MYO10: variants seen among roughly 807,000 people sequenced by gnomAD.
The protein encoded by MYO10 is myosin X.
MYO10 carries 133 observed loss-of-function variants against 257.3 expected under a neutral mutation model. That is an observed-to-expected ratio of 0.52 (90% confidence interval 0.45 to 0.60). MYO10 has a LOEUF of 0.60. Among genes scored for constraint, MYO10 ranks in the 20% least tolerant of loss-of-function variants. MYO10 has a pLI of 0.00. For synonymous variants in MYO10, 1,104 were observed against 1,028.6 expected, an observed-to-expected ratio of 1.07 and a Z score of -1.40; for missense variants, 2,399 against 2,635.7, an observed-to-expected ratio of 0.91 and a Z score of 1.97.
At chr5:16,734,041 G>A (rs1400134470) in intron 19 of MYO10, among the ~76,000 whole-genome samples, 1 of 151,794 alleles carries the variant, frequency 6.6e-6, no homozygotes, top group Non-Finnish European at 1.5e-5. Flanking sequence ...CTGAGAATTC[G>A]TATGAAAGAG....
At chr5:16,872,311 G>GA in intron 2 of MYO10, among the ~76,000 whole-genome samples, 1 of 152,188 alleles carries the variant, frequency 6.6e-6, no homozygotes, top group Non-Finnish European at 1.5e-5. Flanking sequence ...TATACTGTAT[G>GA]AGTCCACTCA....
chr5:16,865,474 C>T (rs1308250861), intron 2 of MYO10, among the ~76,000 whole-genome samples: 1 of 152,074 alleles, frequency 6.6e-6, no homozygotes, highest in Non-Finnish European at 1.5e-5. Flanking sequence ...ACCATACTTT[C>T]GAATGTGCTA....
chr5:16,728,162 C>T (rs1388504675), intron 19 of MYO10, among the ~76,000 whole-genome samples: 1 of 152,196 alleles, frequency 6.6e-6, no homozygotes, highest in Non-Finnish European at 1.5e-5. Flanking sequence ...TCCTGGCTTC[C>T]TGCCTTTCAC....
chr5:16,664,571 T>C lies in MYO10; in HGVS notation c.*2121A>G, dbSNP rs1736084270. On this transcript the variant is annotated 3_prime_UTR_variant, in exon 41 of 41. Transcript: ENST00000513610. ...ATGAGCAGAGGGTGGGAGTCAGTGGTCTGCAAGAGAAGTGGCGCTTGCTCA... is the reference window on the plus strand; with the variant it reads ...ATGAGCAGAGGGTGGGAGTCAGTGGCCTGCAAGAGAAGTGGCGCTTGCTCA... 1 of 152,166 alleles carries C rather than the reference T, an allele frequency of 6.6e-6. No individual in the cohort carries two copies. Among genetic ancestry groups the C allele is most frequent in the Non-Finnish European group, 1.5e-5 (1 of 68,044 alleles). The allele number at this position is 152,166 out of a possible 1,614,324, so 9.4% of individuals were successfully genotyped here.
chr5:16,919,981 C>A (rs1280418317), intron 1 of MYO10, among the ~76,000 whole-genome samples: 1 of 152,164 alleles, frequency 6.6e-6, no homozygotes, highest in East Asian at 1.9e-4. Context: ...CATGGTGACA[C>A]ATGCCTGTAG....
chr5:16,761,061 G>A (rs1740698260), intron 17 of MYO10, among the ~76,000 whole-genome samples: 1 of 151,778 alleles, frequency 6.6e-6, no homozygotes, highest in Non-Finnish European at 1.5e-5. Context: ...CGCAATCTTG[G>A]GTCACTGCAA....
intron 10 of MYO10, among the ~76,000 whole-genome samples, chr5:16,766,613 G>A (rs1740877294): frequency 6.6e-6 from 1 of 151,956 alleles, no homozygotes; most frequent in African/African-American, 2.4e-5. Context: ...TGCATATTTA[G>A]TAGAGATGGG....
intron 40 of MYO10, among the ~76,000 whole-genome samples, chr5:16,667,545 C>T (rs1251193268): frequency 6.6e-6 from 1 of 152,174 alleles, no homozygotes; most frequent in Non-Finnish European, 1.5e-5. Flanking sequence ...CCAAATCCTG[C>T]AGCCTGGCAC....
chr5:16,696,909 A>T (rs972146141), intron 26 of MYO10, among the ~76,000 whole-genome samples: 3 of 152,012 alleles, frequency 2.0e-5, no homozygotes, highest in Non-Finnish European at 4.4e-5. Context: ...ATTGAAGAGA[A>T]TTTTCAAATT....
At chr5:16,915,527 G>A (rs1274183400) in intron 1 of MYO10, among the ~76,000 whole-genome samples, 1 of 152,176 alleles carries the variant, frequency 6.6e-6, no homozygotes, top group Non-Finnish European at 1.5e-5. Context: ...TAATGGCAGG[G>A]GATGGGAACC....
At chr5:16,903,146 G>A (rs1252025624) in intron 1 of MYO10, among the ~76,000 whole-genome samples, 3 of 152,254 alleles carry the variant, frequency 2.0e-5, no homozygotes, top group South Asian at 2.1e-4. Context: ...GATGGCTCAC[G>A]CCTGTAATCC....
intron 19 of MYO10, among the ~76,000 whole-genome samples, chr5:16,721,973 G>T (rs1454453260): frequency 6.6e-6 from 1 of 152,050 alleles, no homozygotes; most frequent in Admixed American, 6.5e-5. Context: ...CAGTCAATAC[G>T]CCCTTATACA....
At chr5:16,889,478 A>G (rs75996849) in intron 1 of MYO10, among the ~76,000 whole-genome samples, 14 of 132,000 alleles carry the variant, frequency 1.1e-4, no homozygotes, top group East Asian at 4.4e-4. Flanking sequence ...AAGAAAAGAA[A>G]GAAGGAAGGA....
intron 19 of MYO10, among the ~76,000 whole-genome samples, chr5:16,736,092 C>G (rs891958279): frequency 1.3e-5 from 2 of 152,182 alleles, no homozygotes; most frequent in Non-Finnish European, 2.9e-5. Flanking sequence ...ACAAAAAAAG[C>G]CTTTGCATCC....
chr5:16,770,859 C>T (rs1741026455), intron 9 of MYO10, among the ~76,000 whole-genome samples: 1 of 152,206 alleles, frequency 6.6e-6, no homozygotes, highest in African/African-American at 2.4e-5. Context: ...CCCCGTGCCT[C>T]CCAGGTTCAA....
At chr5:16,885,991 C>A (rs1744887477) in intron 1 of MYO10, among the ~76,000 whole-genome samples, 1 of 152,120 alleles carries the variant, frequency 6.6e-6, no homozygotes, top group Non-Finnish European at 1.5e-5. Context: ...GAGTAGGGCA[C>A]CCACGACAGC....
rs760801845 is a variant in MYO10 at position 16,675,050 on chromosome 5, G to A, written c.4767C>T (p.Ile1589=). The change falls in exon 35 of 41, where the codon ATC becomes ATT. Residue 1589 remains isoleucine, a synonymous_variant. Coordinates refer to ENST00000513610, the MANE Select transcript of MYO10 (RefSeq NM_012334.3). ...CATGCCCTGTCTGTAGGATGCCCTG[G>A]ATTATTGGAATTGGGTCAGACATGG... ...LESMSDPIPI[I]QGILQTGHDL... 1.2e-6 allele frequency: 2 copies of A among 1,613,958 alleles called. No individual in the cohort carries two copies. Among genetic ancestry groups the A allele is most frequent in the Non-Finnish European group, 1.7e-6 (2 of 1,179,890 alleles).
chr5:16,783,583 A>T, intron 4 of MYO10, 114 bp from the exon 5 acceptor site: 1 of 1,187,184 alleles, frequency 8.4e-7, no homozygotes. Context: ...AGGTGGGAAG[A>T]GGGAGATCAA....
intron 2 of MYO10, among the ~76,000 whole-genome samples, chr5:16,839,772 G>A (rs1743419877): frequency 6.6e-6 from 1 of 151,728 alleles, no homozygotes; most frequent in South Asian, 2.1e-4. Flanking sequence ...TTAATTAATA[G>A]GCTTTGTGTG....
Sources: gnomAD v4.1 joint callset for allele counts (sites outside exome capture counted in the v4.1 genomes callset) on GRCh38, gnomAD v4.1.1 for gene constraint, MANE v1.5 for transcripts, NCBI Gene and HGNC (gene_info 2026-07-23, HGNC 2026-07-21) for gene names.